The following CPLANE1 variants were observed in gnomAD, a reference collection of about 807,000 sequenced individuals.
The protein encoded by CPLANE1 is ciliogenesis and planar polarity effector 1.
A neutral mutation model predicts 362.5 loss-of-function variants in CPLANE1; 263 were observed. The observed-to-expected ratio is 0.73, with a 90% CI of 0.66 to 0.80. The LOEUF is 0.80. Ranked by LOEUF, CPLANE1 falls within the 30% of genes least tolerant of loss-of-function variation. The probability of loss-of-function intolerance (pLI) is 0.00; values close to 1 mark genes in which losing one functional copy is unlikely to be tolerated. For missense variants in CPLANE1, 3,461 were observed against 3,793.4 expected, an observed-to-expected ratio of 0.91 and a Z score of 2.30; for synonymous variants, 1,212 against 1,302.6, an observed-to-expected ratio of 0.93 and a Z score of 1.50.
intron 41 of CPLANE1, among the ~76,000 whole-genome samples, chr5:37,154,456 G>GTTTTTT (rs1457651303): frequency 2.4e-5 from 2 of 83,128 alleles, no homozygotes; most frequent in Non-Finnish European, 4.1e-5. Context: ...ATTTGCAATA[G>GTTTTTT]TTCTTTTTTT....
chr5:37,210,750 A>G (rs1042426196), intron 16 of CPLANE1: 9 of 1,562,886 alleles, frequency 5.8e-6, no homozygotes, highest in Non-Finnish European at 7.9e-6. Flanking sequence ...AGAGAGTAGA[A>G]ATGAAAACTT....
chr5:37,158,271 A>G lies in CPLANE1; in HGVS notation c.7765T>C (p.Ser2589Pro), dbSNP rs773017769. Residue 2589 changes from serine (S) to proline (P), a missense_variant, in exon 39 of 53, where the codon TCA becomes CCA. By Grantham distance (74) the Ser-to-Pro change is moderately conservative. This residue lies in a region of CPLANE1 where 3,380 missense variants were observed against 3,666.1 expected (regional missense o/e 0.92). Transcript: ENST00000651892. Reference sequence around the variant, plus strand: ...ATTGAGGGTGACCAAGGTTTCTCTGACATTTCACTGGAAAGCTTCAGATTT... The same window carrying G: ...ATTGAGGGTGACCAAGGTTTCTCTGGCATTTCACTGGAAAGCTTCAGATTT... ...YLNLKLSSEM[S>P]EKPWSPSIPH... is the part of the protein sequence containing the mutation. The G allele has an allele frequency of 2.5e-6, 4 of 1,613,970 alleles. No individual in the cohort carries two copies. Among genetic ancestry groups the G allele is most frequent in the Non-Finnish European group, 3.4e-6 (4 of 1,179,914 alleles).
At position 37,209,050 on chromosome 5, in the gene CPLANE1, C is replaced by T. The variant is rs150334497; in HGVS notation, c.2921-2625G>A. Among the ~76,000 whole-genome samples, 549 of 152,320 alleles carry T rather than the reference C, an allele frequency of 3.6e-3. 2 individuals are homozygous for T. The highest frequency in any genetic ancestry group is 0.012 in the African/African-American group (517 of 41,558). On this transcript the variant is annotated intron_variant, in intron 16 of 52. Transcript: ENST00000651892. The surrounding 1 kb of genome is among the most constrained non-coding windows in gnomAD (Gnocchi z 4.6). ...GACGAAGGATGGGATGTGAGGCGGT[C>T]CTGCCTTGCCGCCTTCTGTCCCTAG...
intron 45 of CPLANE1, 21 bp from the exon 46 acceptor site, chr5:37,138,869 T>A (rs745929557): frequency 5.0e-6 from 8 of 1,590,462 alleles, no homozygotes; most frequent in Non-Finnish European, 6.8e-6. Flanking sequence ...AAATGTAATT[T>A]AAGAAATATA....
At chr5:37,104,474 C>CCTTTATGCTCAG (rs1757452419), downstream of CPLANE1, among the ~76,000 whole-genome samples, 1 of 151,672 alleles carries the variant, frequency 6.6e-6, no homozygotes, top group African/African-American at 2.4e-5. Context: ...ATGGCACGTG[C>CCTTTATGCTCAG]CTTTAGTCCC....
chr5:37,129,981 A>G (rs1347281890), intron 46 of CPLANE1, among the ~76,000 whole-genome samples: 2 of 152,256 alleles, frequency 1.3e-5, no homozygotes, highest in African/African-American at 2.4e-5. Flanking sequence ...TTGCAAAAAT[A>G]TGGAACCAGC....
intron 21 of CPLANE1, among the ~76,000 whole-genome samples, chr5:37,195,340 C>A (rs1787044057): frequency 6.6e-6 from 1 of 152,130 alleles, no homozygotes; most frequent in Non-Finnish European, 1.5e-5. Flanking sequence ...ATGGCTCATG[C>A]CTGCAATCCC....
At chr5:37,157,932 CAAA>C (rs1157107088) in intron 39 of CPLANE1, 64 bp from the exon 40 acceptor site, 1,407 of 66,256 alleles carry the variant, frequency 0.021, no homozygotes, top group South Asian at 0.05. Flanking sequence ...GTCACTCCGC[CAAA>C]AAAAAAAAAA....
At chr5:37,248,061 AT>A (rs1481923163) in intron 1 of CPLANE1, among the ~76,000 whole-genome samples, 2 of 152,162 alleles carry the variant, frequency 1.3e-5, no homozygotes, top group African/African-American at 4.8e-5. Context: ...AAGTGCTGGG[AT>A]AACAGGCACG....
rs781500091 is a variant in CPLANE1, at chr5:37,167,044, T to G, written c.7400+3A>C. On this transcript the variant is annotated splice_donor_region_variant and intron_variant, in intron 35 of 52. Coordinates refer to ENST00000651892, the MANE Select transcript of CPLANE1 (RefSeq NM_001384732.1). ...ATCAAATAAAATTTCACTTAAGCCT[T>G]GCCTTTTTTTACTGTCCTTTCCTTG... is the stretch of plus-strand genomic sequence containing the variant. The G allele has an allele frequency of 6.2e-7, 1 of 1,602,722 alleles. No homozygotes were observed. Among genetic ancestry groups the G allele is most frequent in the South Asian group, 1.1e-5 (1 of 88,052 alleles).
At chr5:37,208,679 C>T (rs1490872968) in intron 16 of CPLANE1, among the ~76,000 whole-genome samples, 3 of 113,532 alleles carry the variant, frequency 2.6e-5, no homozygotes, top group Admixed American at 1.7e-4. Context: ...TCTGTCTCCC[C>T]CCCCCCCCAA....
chr5:37,160,622 T>G (rs1212461762), intron 38 of CPLANE1, among the ~76,000 whole-genome samples: 1 of 152,036 alleles, frequency 6.6e-6, no homozygotes, highest in Non-Finnish European at 1.5e-5. Context: ...CAAAACCATT[T>G]TACATGTGCT....
At chr5:37,112,143 T>G (rs1333012748) in intron 51 of CPLANE1, among the ~76,000 whole-genome samples, 3 of 152,224 alleles carry the variant, frequency 2.0e-5, no homozygotes, top group African/African-American at 7.2e-5. Flanking sequence ...CATTCTTGTT[T>G]TGTCCAAATG....
intron 21 of CPLANE1, among the ~76,000 whole-genome samples, chr5:37,193,036 C>T (rs1786091646): frequency 6.7e-6 from 1 of 148,944 alleles, no homozygotes; most frequent in Admixed American, 6.7e-5. Context: ...GTGTGGTGGC[C>T]CGCGCCTGTA....
At chr5:37,121,838 T>A in intron 48 of CPLANE1, 54 bp from the exon 49 acceptor site, 1 of 1,450,912 alleles carries the variant, frequency 6.9e-7, no homozygotes, top group Non-Finnish European at 9.6e-7. Flanking sequence ...AGTTCATCTA[T>A]CCAGAGGGAA....
chr5:37,228,192 T>C (rs549282439), intron 9 of CPLANE1, among the ~76,000 whole-genome samples: 1 of 152,272 alleles, frequency 6.6e-6, no homozygotes, highest in African/African-American at 2.4e-5. Context: ...GAACTATCAG[T>C]ATACTTTTTA....
intron 52 of CPLANE1, among the ~76,000 whole-genome samples, chr5:37,108,042 G>C (rs1168640827): frequency 3.3e-5 from 5 of 152,162 alleles, no homozygotes; most frequent in African/African-American, 9.7e-5. Flanking sequence ...CTTGTAGTAC[G>C]ATTTTATGTT....
the CPLANE1 span, among the ~76,000 whole-genome samples, chr5:37,083,978 T>A: frequency 1.3e-5 from 2 of 152,218 alleles, no homozygotes; most frequent in Non-Finnish European, 2.9e-5. Flanking sequence ...CACCCTGCCA[T>A]CAGGTTATCT....
rs367543063 is a variant in CPLANE1, at chr5:37,183,377, G to C, written c.4804C>G (p.Arg1602Gly). 6.2e-7 allele frequency: 1 copy of C among 1,612,620 alleles called. No individual in the cohort carries two copies. Among genetic ancestry groups the C allele is most frequent in the Non-Finnish European group, 8.5e-7 (1 of 1,179,552 alleles). ...TGGCTTTTAGTTTTGCTCTGATGTC[G>C]TTTTAATGTTGTATGTACATCAAAA... ...LLFDVHTTLK[R>G]HQSKTKSQNV... The change falls in exon 26 of 53, where the codon CGA becomes GGA. Residue 1602 changes from arginine (R) to glycine (G), a missense_variant. By Grantham distance (125) the Arg-to-Gly change is moderately radical. Transcript: ENST00000651892.
Sources: gnomAD v4.1 joint callset for allele counts (sites outside exome capture counted in the v4.1 genomes callset) on GRCh38, gnomAD v4.1.1 for gene constraint, gnomAD v4.1.1 regional missense constraint, Gnocchi (gnomAD v3.1) non-coding constraint, MANE v1.5 for transcripts, NCBI Gene and HGNC (gene_info 2026-07-23, HGNC 2026-07-21) for gene names.